GRM7: variants seen among roughly 807,000 people sequenced by gnomAD.
The protein encoded by GRM7 is glutamate metabotropic receptor 7.
A neutral mutation model predicts 84.5 loss-of-function variants in GRM7; 35 were observed. The ratio of observed to expected loss-of-function variants is 0.41; its 90% CI spans 0.32 to 0.55. The LOEUF is 0.55. GRM7 is among the 20% of genes least tolerant of loss of function. The pLI is 0.19. For missense variants in GRM7, 1,003 were observed against 1,194.6 expected (o/e 0.84, Z 2.36); for synonymous variants, 487 against 455.1 (o/e 1.07, Z -0.89).
At chr3:7,148,434 T>C (rs781046036) in intron 2 of GRM7, among the ~76,000 whole-genome samples, 53 of 152,300 alleles carry the variant, frequency 3.5e-4, no homozygotes, top group Admixed American at 3.9e-4. Flanking sequence ...TTAAACTGGA[T>C]GAAGCAAAGG....
intron 1 of GRM7, among the ~76,000 whole-genome samples, chr3:7,007,767 A>G (rs983548541): frequency 7.2e-5 from 11 of 152,236 alleles, no homozygotes; most frequent in Admixed American, 7.2e-4. Context: ...CTTGAAGAAG[A>G]AAACACTAAA....
chr3:7,459,707 C>T (rs1698161648), intron 6 of GRM7, among the ~76,000 whole-genome samples: 1 of 152,080 alleles, frequency 6.6e-6, no homozygotes, highest in Non-Finnish European at 1.5e-5. Flanking sequence ...GTCCCTCCCA[C>T]AACACATAGG....
At chr3:7,572,761 G>T (rs1694738366) in intron 7 of GRM7, among the ~76,000 whole-genome samples, 1 of 144,460 alleles carries the variant, frequency 6.9e-6, no homozygotes, top group African/African-American at 2.6e-5. Context: ...GGCGGAGCTT[G>T]CAGTGAGCCG....
At chr3:7,009,088 C>G (rs1575124617) in intron 1 of GRM7, among the ~76,000 whole-genome samples, 1 of 152,114 alleles carries the variant, frequency 6.6e-6, no homozygotes, top group Non-Finnish European at 1.5e-5. Context: ...GTCACGGAGG[C>G]CTTTCTTTAT....
chr3:7,193,363 A>G (rs1029375798), intron 2 of GRM7, among the ~76,000 whole-genome samples: 4 of 152,120 alleles, frequency 2.6e-5, no homozygotes. Flanking sequence ...ACCTTCTACC[A>G]AGCACTTAGG....
chr3:7,440,885 C>A (rs769527277), intron 5 of GRM7, among the ~76,000 whole-genome samples: 10 of 152,086 alleles, frequency 6.6e-5, no homozygotes, highest in Non-Finnish European at 1.2e-4. Flanking sequence ...TTTTCTTTAT[C>A]CAGTCTACCA....
chr3:7,126,086 C>G (rs1460145827), intron 1 of GRM7, among the ~76,000 whole-genome samples: 1 of 152,154 alleles, frequency 6.6e-6, no homozygotes, highest in Non-Finnish European at 1.5e-5. Context: ...TCAGGACAGC[C>G]TGGGAGCCAG....
intron 3 of GRM7, among the ~76,000 whole-genome samples, chr3:7,299,412 A>G (rs1395907552): frequency 6.6e-6 from 1 of 152,168 alleles, no homozygotes; most frequent in Non-Finnish European, 1.5e-5. Context: ...TTTTCTGATC[A>G]CTACCAACCT....
chr3:7,466,630 T>C (rs919267674), intron 7 of GRM7, among the ~76,000 whole-genome samples: 14 of 152,230 alleles, frequency 9.2e-5, no homozygotes, highest in African/African-American at 3.1e-4. Context: ...TTCTCTAATA[T>C]GCCAAAATGT....
intron 8 of GRM7, among the ~76,000 whole-genome samples, chr3:7,617,008 G>GACTT (rs534188486): frequency 4.2e-4 from 64 of 152,192 alleles, no homozygotes; most frequent in Middle Eastern, 6.8e-3. Context: ...CAGTGTTAGT[G>GACTT]ACTTACTGTA....
chr3:7,270,947 A>G (rs1333075301), intron 2 of GRM7, among the ~76,000 whole-genome samples: 1 of 152,138 alleles, frequency 6.6e-6, no homozygotes, highest in African/African-American at 2.4e-5. Flanking sequence ...ACAATGACCT[A>G]GTTGTTAACT....
At chr3:7,015,207 A>G (rs912331572) in intron 1 of GRM7, among the ~76,000 whole-genome samples, 3 of 151,848 alleles carry the variant, frequency 2.0e-5, no homozygotes, top group African/African-American at 2.4e-5. Context: ...TTCTTTCACA[A>G]TAAGTCTTGC....
chr3:7,079,589 C>G (rs747934125), intron 1 of GRM7, among the ~76,000 whole-genome samples: 39 of 151,834 alleles, frequency 2.6e-4, no homozygotes, highest in Non-Finnish European at 5.6e-4. Flanking sequence ...AAACACCATG[C>G]CTAGTAGGCA....
At chr3:6,979,950 T>TTTA (rs1694134370) in intron 1 of GRM7, among the ~76,000 whole-genome samples, 1 of 152,188 alleles carries the variant, frequency 6.6e-6, no homozygotes, top group Non-Finnish European at 1.5e-5. Flanking sequence ...AACATTCTAC[T>TTTA]TTATAAAGAC....
intron 2 of GRM7, among the ~76,000 whole-genome samples, chr3:7,255,899 T>G (rs553606977): frequency 6.6e-6 from 1 of 152,196 alleles, no homozygotes; most frequent in Non-Finnish European, 1.5e-5. Flanking sequence ...CTCCAGGAAG[T>G]AGCACAGCTT....
At chr3:7,437,304 T>C (rs1381252446) in intron 5 of GRM7, among the ~76,000 whole-genome samples, 2 of 152,188 alleles carry the variant, frequency 1.3e-5, no homozygotes, top group Non-Finnish European at 2.9e-5. Flanking sequence ...TTTAAAAATG[T>C]TTTTGCACCC....
At chr3:7,619,114 C>T (rs2125086582) in intron 8 of GRM7, among the ~76,000 whole-genome samples, 1 of 152,178 alleles carries the variant, frequency 6.6e-6, no homozygotes, top group East Asian at 1.9e-4. Flanking sequence ...ATTAGATGCA[C>T]TAGACTTATT....
At chr3:7,608,697 G>A (rs1279879767) in intron 8 of GRM7, among the ~76,000 whole-genome samples, 5 of 152,040 alleles carry the variant, frequency 3.3e-5, no homozygotes, top group Non-Finnish European at 7.4e-5. Context: ...TTCTTTTGCT[G>A]TGTAGAAGCT....
At chr3:6,891,002 C>G (rs541947528) in intron 1 of GRM7, among the ~76,000 whole-genome samples, 36 of 152,042 alleles carry the variant, frequency 2.4e-4, no homozygotes, top group Non-Finnish European at 3.7e-4. Flanking sequence ...TTCTTTGTGT[C>G]TTTTGATCTT....
Sources: gnomAD v4.1 joint callset for allele counts (sites outside exome capture counted in the v4.1 genomes callset) on GRCh38, gnomAD v4.1.1 for gene constraint, MANE v1.5 for transcripts, NCBI Gene and HGNC (gene_info 2026-07-23, HGNC 2026-07-21) for gene names.